CDH12: variants seen among roughly 807,000 people sequenced by gnomAD.
CDH12 encodes cadherin-12.
CDH12 carries 41 observed loss-of-function variants against 74.1 expected under a neutral mutation model. That is an observed-to-expected ratio of 0.55 (90% CI 0.43 to 0.72). The LOEUF is 0.72. CDH12 is among the 30% of genes least tolerant of loss of function. The pLI is 0.00. For synonymous variants in CDH12, 399 were observed against 355.0 expected (o/e 1.12, Z -1.39); for missense variants, 945 against 977.2 (o/e 0.97, Z 0.44).
chr5:22,421,190 T>A (rs1047140040), intron 2 of CDH12, among the ~76,000 whole-genome samples: 24 of 152,292 alleles, frequency 1.6e-4, no homozygotes, highest in African/African-American at 5.5e-4. Context: ...TATTTCTTTT[T>A]AAAATTTTTT....
chr5:22,331,840 A>C (rs1271509078), intron 3 of CDH12, among the ~76,000 whole-genome samples: 1 of 152,220 alleles, frequency 6.6e-6, no homozygotes, highest in African/African-American at 2.4e-5. Flanking sequence ...AATCAAACAG[A>C]AATTCTGAAG....
At chr5:21,942,521 A>G (rs1755385364) in intron 6 of CDH12, among the ~76,000 whole-genome samples, 1 of 151,782 alleles carries the variant, frequency 6.6e-6, no homozygotes, top group African/African-American at 2.4e-5. Flanking sequence ...CTAGTTATAT[A>G]AATAGTGCTC....
intron 1 of CDH12, among the ~76,000 whole-genome samples, chr5:22,780,532 A>G (rs1477198067): frequency 1.3e-5 from 2 of 152,142 alleles, no homozygotes; most frequent in African/African-American, 2.4e-5. Flanking sequence ...AGTACAGAGC[A>G]AAGGAGGGAA....
At chr5:22,280,429 C>T (rs1313038208) in intron 3 of CDH12, among the ~76,000 whole-genome samples, 4 of 152,006 alleles carry the variant, frequency 2.6e-5, no homozygotes, top group Non-Finnish European at 4.4e-5. Context: ...TCAATGAATC[C>T]AGGAGCTGGT....
At chr5:22,237,055 C>A (rs1169466525) in intron 3 of CDH12, among the ~76,000 whole-genome samples, 1 of 151,822 alleles carries the variant, frequency 6.6e-6, no homozygotes, top group African/African-American at 2.4e-5. Flanking sequence ...CATTTATTAT[C>A]CTTATTAAGT....
intron 2 of CDH12, among the ~76,000 whole-genome samples, chr5:22,412,709 C>T (rs184312383): frequency 6.6e-6 from 1 of 151,922 alleles, no homozygotes; most frequent in East Asian, 1.9e-4. Flanking sequence ...CGGCCATGGG[C>T]ACACTTAGGC....
Position 22,276,513 on chromosome 5 carries a change from G to T in CDH12, c.-332-63870C>A, listed in dbSNP as rs542319309. Among the ~76,000 whole-genome samples the T allele has an allele frequency of 2.6e-5, 4 of 152,276 alleles. No homozygotes were observed. The East Asian group carries it at 7.7e-4, about 29-fold the overall frequency. On this transcript the variant is annotated intron_variant, in intron 3 of 14. Transcript: ENST00000382254. ...TTAAAAACTCATCCCCTTGATGAAA[G>T]ATTTATAACTTGAAATGTACCATGT...
At chr5:22,359,364 C>G (rs964899889) in intron 3 of CDH12, among the ~76,000 whole-genome samples, 15 of 152,140 alleles carry the variant, frequency 9.9e-5, no homozygotes, top group Admixed American at 9.8e-4. Context: ...GGGATCAATT[C>G]AACAAGAAGA....
chr5:21,965,207 C>T (rs1756526781), intron 6 of CDH12, among the ~76,000 whole-genome samples: 1 of 151,892 alleles, frequency 6.6e-6, no homozygotes, highest in African/African-American at 2.4e-5. Flanking sequence ...AATCTTATAG[C>T]AAAGTTTCTG....
At chr5:22,743,596 C>T (rs918049040) in intron 1 of CDH12, among the ~76,000 whole-genome samples, 15 of 152,050 alleles carry the variant, frequency 9.9e-5, no homozygotes, top group African/African-American at 3.6e-4. Flanking sequence ...TACTAAAGGT[C>T]ATTATACATG....
At chr5:22,796,686 A>ATTTTTT (rs1204844439) in intron 1 of CDH12, among the ~76,000 whole-genome samples, 2 of 131,854 alleles carry the variant, frequency 1.5e-5, no homozygotes, top group African/African-American at 6.3e-5. Context: ...CGCCCGGCTA[A>ATTTTTT]TTTTTTTGTA....
chr5:21,937,008 C>T (rs991552086), intron 6 of CDH12, among the ~76,000 whole-genome samples: 2 of 152,100 alleles, frequency 1.3e-5, no homozygotes, highest in African/African-American at 4.8e-5. Context: ...ATCTTTATAG[C>T]AGTGTGAAAT....
intron 1 of CDH12, among the ~76,000 whole-genome samples, chr5:22,782,773 G>A (rs979395098): frequency 6.6e-6 from 1 of 152,014 alleles, no homozygotes; most frequent in African/African-American, 2.4e-5. Flanking sequence ...ATTACATATC[G>A]TATGTGGAAA....
chr5:22,846,551 G>A (rs1352386591), intron 1 of CDH12, among the ~76,000 whole-genome samples: 1 of 152,054 alleles, frequency 6.6e-6, no homozygotes, highest in Non-Finnish European at 1.5e-5. Context: ...AACTAATAAA[G>A]AAAAAGCAGA....
chr5:22,560,121 G>T (rs977650184), intron 1 of CDH12, among the ~76,000 whole-genome samples: 1 of 152,090 alleles, frequency 6.6e-6, no homozygotes, highest in Non-Finnish European at 1.5e-5. Flanking sequence ...TTTTGATGAA[G>T]ATGTCTTTAA....
Position 22,005,246 on chromosome 5 carries a change from T to C in CDH12, c.232-29861A>G, listed in dbSNP as rs1460151729. Among the ~76,000 whole-genome samples, 4 of 152,132 alleles carry C rather than the reference T, an allele frequency of 2.6e-5. No homozygotes were observed. The East Asian group carries it at 7.7e-4, about 29-fold the overall frequency. On this transcript the variant is annotated intron_variant, in intron 5 of 14. Coordinates refer to ENST00000382254, the MANE Select transcript of CDH12 (RefSeq NM_004061.5). ...TTAGTAGAGTCAAGGTTTCGCCATG[T>C]TGGCCAGGCTGATCTCGAACTCCTG...
chr5:21,767,609 A>C (rs1745099394), intron 11 of CDH12, among the ~76,000 whole-genome samples: 1 of 151,704 alleles, frequency 6.6e-6, no homozygotes, highest in African/African-American at 2.4e-5. Context: ...AAATTTCCTG[A>C]AGATTAAATG....
At chr5:22,375,662 C>T (rs1025466067) in intron 3 of CDH12, among the ~76,000 whole-genome samples, 1 of 151,960 alleles carries the variant, frequency 6.6e-6, no homozygotes, top group Non-Finnish European at 1.5e-5. Context: ...TAAAAGAAGA[C>T]ATACAAATGG....
intron 6 of CDH12, among the ~76,000 whole-genome samples, chr5:21,951,184 G>C (rs1045672855): frequency 1.3e-5 from 2 of 152,028 alleles, no homozygotes; most frequent in East Asian, 3.9e-4. Flanking sequence ...TTTTCAATAC[G>C]ATTAAGCAAG....
Sources: allele counts gnomAD v4.1 joint callset (sites outside exome capture counted in the v4.1 genomes callset), GRCh38; gene constraint gnomAD v4.1.1; transcripts MANE v1.5; gene names NCBI Gene and HGNC (gene_info 2026-07-23, HGNC 2026-07-21).